PTPRM: variants seen among roughly 807,000 people sequenced by gnomAD.
PTPRM encodes the protein receptor-type tyrosine-protein phosphatase mu.
A neutral mutation model predicts 186.7 loss-of-function variants in PTPRM; 47 were observed. The ratio of observed to expected loss-of-function variants is 0.25; its 90% CI spans 0.20 to 0.32. The LOEUF (loss-of-function observed/expected upper bound fraction) is 0.32, where lower values mean the gene tolerates loss of function less well. Among genes scored for constraint, PTPRM ranks in the 10% least tolerant of loss-of-function variants. The pLI is 1.00. For synonymous variants in PTPRM, 668 were observed against 674.9 expected (o/e 0.99, Z 0.16); for missense variants, 1,494 against 1,865.0 (o/e 0.80, Z 3.66).
At chr18:7,594,060 C>T (rs1335243200) in intron 1 of PTPRM, among the ~76,000 whole-genome samples, 1 of 152,168 alleles carries the variant, frequency 6.6e-6, no homozygotes, top group Non-Finnish European at 1.5e-5. Flanking sequence ...ATACGACCCT[C>T]TCCGTTCTTT....
At chr18:8,150,114 A>G (rs539463544) in intron 14 of PTPRM, among the ~76,000 whole-genome samples, 1 of 152,020 alleles carries the variant, frequency 6.6e-6, no homozygotes, top group Admixed American at 6.6e-5. Flanking sequence ...GAGTCTGACG[A>G]TTATGTCTTG....
intron 2 of PTPRM, among the ~76,000 whole-genome samples, chr18:7,841,541 G>A (rs1441984712): frequency 1.3e-5 from 2 of 151,990 alleles, no homozygotes; most frequent in East Asian, 1.9e-4. Flanking sequence ...TGATCCACCC[G>A]CCTCAGCCTC....
chr18:7,764,735 T>A lies in PTPRM; in HGVS notation c.74-9414T>A, dbSNP rs548620389. Among the ~76,000 whole-genome samples the A allele has an allele frequency of 3.9e-5, 6 of 152,334 alleles. No individual in the cohort carries two copies. The East Asian group carries it at 1.2e-3, about 29-fold the overall frequency. ...CCACTTGGAAAATCACTGCTCTAGT[T>A]TGGGACTCAGGACAACAGTGATTTC... On this transcript the variant is annotated intron_variant, in intron 1 of 32. Coordinates refer to ENST00000580170, the MANE Select transcript of PTPRM (RefSeq NM_001105244.2).
At chr18:7,662,309 C>T (rs562211888) in intron 1 of PTPRM, among the ~76,000 whole-genome samples, 1 of 152,112 alleles carries the variant, frequency 6.6e-6, no homozygotes, top group Non-Finnish European at 1.5e-5. Context: ...TGGAAGCAAT[C>T]TAAGTGTGTA....
chr18:8,376,782 C>T, intron 26 of PTPRM, 185 bp downstream of exon 26: 1 of 706,192 alleles, frequency 1.4e-6, no homozygotes, highest in Non-Finnish European at 2.1e-6. Context: ...ATAAACAAAC[C>T]AAACAAACCC....
chr18:7,793,594 C>T (rs2043452285), intron 2 of PTPRM, among the ~76,000 whole-genome samples: 1 of 152,080 alleles, frequency 6.6e-6, no homozygotes, highest in African/African-American at 2.4e-5. Context: ...GGAAATTTGG[C>T]TAAAAGTTGG....
rs896262832 is a variant in PTPRM, at chr18:8,144,719, G to A, written c.2300+940G>A. Reference sequence around the variant, plus strand: ...CTCCCATACTTGAAAACTATGCAGTGTCTTGTTTTGTGGAAACAAGCAAAA... The same window carrying A: ...CTCCCATACTTGAAAACTATGCAGTATCTTGTTTTGTGGAAACAAGCAAAA... On this transcript the variant is annotated intron_variant, in intron 14 of 32. Coordinates refer to ENST00000580170, the MANE Select transcript of PTPRM (RefSeq NM_001105244.2). Among the ~76,000 whole-genome samples the A allele has an allele frequency of 2.6e-5, 4 of 152,170 alleles. No individual in the cohort carries two copies. The East Asian group carries it at 7.7e-4, about 29-fold the overall frequency.
At chr18:7,690,013 A>T (rs1206612028) in intron 1 of PTPRM, among the ~76,000 whole-genome samples, 1 of 152,208 alleles carries the variant, frequency 6.6e-6, no homozygotes, top group African/African-American at 2.4e-5. Flanking sequence ...TTGTTTTTTT[A>T]AAAAGTATCA....
chr18:8,022,703 G>C (rs2085310801), intron 7 of PTPRM, among the ~76,000 whole-genome samples: 1 of 152,038 alleles, frequency 6.6e-6, no homozygotes, highest in African/African-American at 2.4e-5. Context: ...TTCCTCCAAG[G>C]TGCACATGTT....
intron 4 of PTPRM, among the ~76,000 whole-genome samples, chr18:7,925,737 A>G (rs954772030): frequency 1.3e-5 from 2 of 152,068 alleles, no homozygotes; most frequent in African/African-American, 2.4e-5. Flanking sequence ...CTTTCACTCT[A>G]TCATTGTTAT....
At chr18:8,392,093 TCA>T (rs978118363) in intron 31 of PTPRM, among the ~76,000 whole-genome samples, 1 of 152,140 alleles carries the variant, frequency 6.6e-6, no homozygotes, top group African/African-American at 2.4e-5. Context: ...AAAGAGGAAC[TCA>T]CAGAGTAAAA....
At chr18:8,228,626 G>T (rs2094244725) in intron 14 of PTPRM, among the ~76,000 whole-genome samples, 1 of 150,756 alleles carries the variant, frequency 6.6e-6, no homozygotes, top group African/African-American at 2.4e-5. Context: ...TGGATCACGA[G>T]GTCAGGAGAT....
At chr18:8,393,820 G>A (rs1361160974) in intron 31 of PTPRM, among the ~76,000 whole-genome samples, 4 of 151,908 alleles carry the variant, frequency 2.6e-5, no homozygotes, top group African/African-American at 9.7e-5. Context: ...AGGGAGTCTC[G>A]CTCTGTTGCC....
intron 29 of PTPRM, among the ~76,000 whole-genome samples, chr18:8,384,330 C>T (rs556228566): frequency 2.2e-4 from 33 of 152,082 alleles, no homozygotes; most frequent in Non-Finnish European, 4.0e-4. Context: ...TGGTAGCACA[C>T]ACCTGTGGCC....
intron 1 of PTPRM, among the ~76,000 whole-genome samples, chr18:7,575,644 G>A (rs554840920): frequency 6.6e-6 from 1 of 152,180 alleles, no homozygotes; most frequent in Non-Finnish European, 1.5e-5. Context: ...TGCCAACTAA[G>A]TAAAGGGTTC....
intron 1 of PTPRM, among the ~76,000 whole-genome samples, chr18:7,683,991 T>C (rs1289971400): frequency 6.6e-6 from 1 of 152,192 alleles, no homozygotes; most frequent in Non-Finnish European, 1.5e-5. Context: ...TGCCTTTTCC[T>C]GTGGCTCCCT....
chr18:8,193,091 A>G (rs893599699), intron 14 of PTPRM, among the ~76,000 whole-genome samples: 1 of 152,230 alleles, frequency 6.6e-6, no homozygotes, highest in African/African-American at 2.4e-5. Context: ...GTGGTTATAT[A>G]GGAGATCCAT....
intron 7 of PTPRM, chr18:8,049,462 A>C (rs924558465): frequency 6.6e-6 from 1 of 152,160 alleles, no homozygotes; most frequent in African/African-American, 2.4e-5. Flanking sequence ...ATATTTCTAG[A>C]GTTGATTTAT....
intron 19 of PTPRM, 136 bp downstream of exon 19, chr18:8,253,550 G>A (rs2094548651): frequency 2.4e-6 from 2 of 832,854 alleles, no homozygotes; most frequent in Middle Eastern, 3.9e-4. Flanking sequence ...AAGTACAGTT[G>A]TCCCTCAGTA....
Sources: gnomAD v4.1 joint callset for allele counts (sites outside exome capture counted in the v4.1 genomes callset) on GRCh38, gnomAD v4.1.1 for gene constraint, MANE v1.5 for transcripts, NCBI Gene and HGNC (gene_info 2026-07-23, HGNC 2026-07-21) for gene names.